MYEF2: variants seen among roughly 807,000 people sequenced by gnomAD.
MYEF2 encodes myelin expression factor 2, also known as myelin gene expression factor 2.
A neutral mutation model predicts 75.2 loss-of-function variants in MYEF2; 37 were observed. That is an observed-to-expected ratio of 0.49 (90% CI 0.38 to 0.65). The LOEUF (loss-of-function observed/expected upper bound fraction) is 0.65. MYEF2 is among the 30% of genes least tolerant of loss of function. The probability of loss-of-function intolerance (pLI) is 0.00; values close to 1 mark genes in which losing one functional copy is unlikely to be tolerated. For missense variants in MYEF2, 634 were observed against 771.4 expected, an observed-to-expected ratio of 0.82 and a Z score of 2.11; for synonymous variants, 195 against 241.6, an observed-to-expected ratio of 0.81 and a Z score of 1.79.
chr15:48,178,097 G>A lies in MYEF2; in HGVS notation c.141C>T (p.Ser47=). ...EAEKQQPQHS[S]SSNGVKMEND... Reference sequence around the variant, plus strand: ...AATACATTTTAACGCCATTGGAGCTGCTGCTGTGCTGCGGCTGCTGCTTCT... The same window carrying A: ...AATACATTTTAACGCCATTGGAGCTACTGCTGTGCTGCGGCTGCTGCTTCT... The change falls in exon 1 of 17, where the codon AGC becomes AGT. Residue 47 remains serine, a synonymous_variant. Coordinates refer to ENST00000324324, the MANE Select transcript of MYEF2 (RefSeq NM_016132.5). The A allele has an allele frequency of 6.3e-7, 1 of 1,599,212 alleles. No individual in the cohort carries two copies. The highest frequency in any genetic ancestry group is 1.1e-5 in the South Asian group (1 of 89,202).
intron 9 of MYEF2, among the ~76,000 whole-genome samples, chr15:48,155,774 ATTT>A (rs34221232): frequency 1.1e-4 from 11 of 102,302 alleles, no homozygotes; most frequent in Non-Finnish European, 1.2e-4. Context: ...CATAATGGTA[ATTT>A]TTTTTTTTTT....
rs2040177646 is a variant in MYEF2, at chr15:48,167,638, T to C, written c.371-237A>G. Among the ~76,000 whole-genome samples the C allele has an allele frequency of 2.0e-5, 3 of 152,114 alleles. No individual in the cohort carries two copies. The South Asian group carries it at 6.2e-4, about 31-fold the overall frequency. On this transcript the variant is annotated intron_variant, in intron 2 of 16. Transcript: ENST00000324324. ...ACAACCATATTAACCTAATTCATAC[T>C]ACAGATCATATTTTGGCCAGCATGA...
Position 48,166,143 on chromosome 15 carries a change from A to G in MYEF2, c.424-15T>C, listed in dbSNP as rs1250825705. 1.3e-6 allele frequency: 2 copies of G among 1,560,180 alleles called. No homozygotes were observed. The highest frequency in any genetic ancestry group is 2.3e-5 in the South Asian group (2 of 86,536). On this transcript the variant is annotated splice_polypyrimidine_tract_variant and intron_variant, in intron 3 of 16. Coordinates refer to ENST00000324324, the MANE Select transcript of MYEF2 (RefSeq NM_016132.5). Reference sequence around the variant, plus strand: ...TACCCACAACCCTATATCCAGGTAGATTTGTCAAAATATGCAAAAGAAAAA... The same window carrying G: ...TACCCACAACCCTATATCCAGGTAGGTTTGTCAAAATATGCAAAAGAAAAA...
chr15:48,137,035 G>A lies in MYEF2; in HGVS notation c.*5873C>T. On this transcript the variant is annotated 3_prime_UTR_variant, in exon 17 of 17. Transcript: ENST00000324324. ...AACTTTAAAATTTCATTTCAATTCA[G>A]CAAGTATTGTGTGCTTTTTATGTAA... 2 of 1,462,208 alleles carry A rather than the reference G, an allele frequency of 1.4e-6. No individual in the cohort carries two copies. The highest frequency in any genetic ancestry group is 1.8e-6 in the Non-Finnish European group (2 of 1,087,804). The allele number at this position is 1,462,208 out of a possible 1,614,324, so 90.6% of individuals were successfully genotyped here. A position where few individuals can be genotyped will look rare whatever the true frequency, so the allele number is the denominator to read the frequency against.
At chr15:48,169,432 C>T (rs996123877) in intron 1 of MYEF2, among the ~76,000 whole-genome samples, 2 of 152,222 alleles carry the variant, frequency 1.3e-5, no homozygotes, top group Non-Finnish European at 2.9e-5. Flanking sequence ...TTTTGATCAA[C>T]ACAGAAAACT....
In MYEF2 at chr15:48,168,790, A is replaced by C. The variant is rs779004541; in HGVS notation, c.211T>G (p.Ser71Ala). 3 of 1,613,626 alleles carry C rather than the reference A, an allele frequency of 1.9e-6. No homozygotes were observed. The highest frequency in any genetic ancestry group is 2.5e-6 in the Non-Finnish European group (3 of 1,179,804). ...CTATTGGCCTTCTTACTTCCTGTAG[A>C]TTTTTCCTTTAAGTCAGATTTCTCT... ...KEEKSDLKEK[S>A]TGSKKANRFH... The change falls in exon 2 of 17, where the codon TCT (serine) becomes GCT (alanine). Residue 71 changes from serine to alanine, a missense_variant. By Grantham distance (99) the Ser-to-Ala change is moderately conservative (BLOSUM62 1). Coordinates refer to ENST00000324324, the MANE Select transcript of MYEF2 (RefSeq NM_016132.5).
intron 1 of MYEF2, among the ~76,000 whole-genome samples, chr15:48,172,214 AC>A (rs1349358813): frequency 6.6e-6 from 1 of 152,152 alleles, no homozygotes; most frequent in Non-Finnish European, 1.5e-5. Flanking sequence ...AACCTGGCCA[AC>A]ATGGTGAAAC....
Position 48,140,528 on chromosome 15 carries a change from CAGA to C in MYEF2, c.*2377_*2379del, listed in dbSNP as rs938952959. 2 of 152,142 alleles carry C rather than the reference CAGA, an allele frequency of 1.3e-5. No individual in the cohort carries two copies. Among genetic ancestry groups the C allele is most frequent in the African/African-American group, 4.8e-5 (2 of 41,530 alleles). The allele number at this position is 152,142 out of a possible 1,614,324, so 9.4% of individuals were successfully genotyped here. Reference sequence around the variant, plus strand: ...AATGTTGACCTGACATCAAATTTAACAGAAGTATTAATAAATTGGGACCATATG... The same window carrying C: ...AATGTTGACCTGACATCAAATTTAACAGTATTAATAAATTGGGACCATATG... On this transcript the variant is annotated 3_prime_UTR_variant, in exon 17 of 17. Coordinates refer to ENST00000324324, the MANE Select transcript of MYEF2 (RefSeq NM_016132.5).
At chr15:48,146,364 TGG>T (rs1026620574) in intron 16 of MYEF2, among the ~76,000 whole-genome samples, 4 of 151,914 alleles carry the variant, frequency 2.6e-5, no homozygotes, top group African/African-American at 9.7e-5. Context: ...CTTACCAGCC[TGG>T]GGTCAAAAAT....
chr15:48,138,839 C>T lies in MYEF2; in HGVS notation c.*4069G>A, dbSNP rs1221964799. 9 of 671,430 alleles carry T rather than the reference C, an allele frequency of 1.3e-5. No homozygotes were observed. Among genetic ancestry groups the T allele is most frequent in the African/African-American group, 3.6e-5 (2 of 54,940 alleles). The allele number at this position is 671,430 out of a possible 1,614,324, so 41.6% of individuals were successfully genotyped here. A position where few individuals can be genotyped will look rare whatever the true frequency, so the allele number is the denominator to read the frequency against. Reference sequence around the variant, plus strand: ...CACCAGCAATATCAGTAATGAGGTACTCAAATGTTTTAAACAGCCTTTTAA... The same window carrying T: ...CACCAGCAATATCAGTAATGAGGTATTCAAATGTTTTAAACAGCCTTTTAA... On this transcript the variant is annotated 3_prime_UTR_variant, in exon 17 of 17. Coordinates refer to ENST00000324324, the MANE Select transcript of MYEF2 (RefSeq NM_016132.5).
At chr15:48,154,791 G>C (rs930438765) in intron 9 of MYEF2, among the ~76,000 whole-genome samples, 1 of 152,062 alleles carries the variant, frequency 6.6e-6, no homozygotes, top group South Asian at 2.1e-4. Context: ...AAAAGCAGAG[G>C]AGTGATGACA....
At chr15:48,178,036 G>A (rs2040619134) in intron 1 of MYEF2, 41 bp downstream of exon 1, 4 of 1,561,116 alleles carry the variant, frequency 2.6e-6, no homozygotes, top group Admixed American at 1.8e-5. Context: ...TAGACTCCCC[G>A]CCCCCCACCT....
chr15:48,143,793 A>G (rs538714617), intron 16 of MYEF2, among the ~76,000 whole-genome samples: 8 of 152,274 alleles, frequency 5.3e-5, no homozygotes, highest in African/African-American at 1.7e-4. Context: ...TGCAGTTATA[A>G]TATCATTGCT....
Position 48,141,839 on chromosome 15 carries a change from A to G in MYEF2, c.*1069T>C, listed in dbSNP as rs1478842436. ...GTTTAATAAATATAATTATTAAATA[A>G]ATGTTAAGACTTTAAATACTAACCC... On this transcript the variant is annotated 3_prime_UTR_variant, in exon 17 of 17. Transcript: ENST00000324324. 5.1e-6 allele frequency: 2 copies of G among 388,822 alleles called. No individual in the cohort carries two copies. Among genetic ancestry groups the G allele is most frequent in the Non-Finnish European group, 9.1e-6 (2 of 220,116 alleles). The allele number at this position is 388,822 out of a possible 1,614,324, so 24.1% of individuals were successfully genotyped here. A position where few individuals can be genotyped will look rare whatever the true frequency, so the allele number is the denominator to read the frequency against.
At chr15:48,176,655 G>A (rs1256764436) in intron 1 of MYEF2, among the ~76,000 whole-genome samples, 2 of 152,182 alleles carry the variant, frequency 1.3e-5, no homozygotes, top group African/African-American at 4.8e-5. Flanking sequence ...TTGTTCAGGA[G>A]AAAAGGTGGC....
At chr15:48,154,793 G>A (rs1459904368) in intron 9 of MYEF2, among the ~76,000 whole-genome samples, 1 of 151,982 alleles carries the variant, frequency 6.6e-6, no homozygotes, top group African/African-American at 2.4e-5. Flanking sequence ...AAGCAGAGGA[G>A]TGATGACACA....
chr15:48,178,163 C>A lies in MYEF2; in HGVS notation c.75G>T (p.Pro25=), dbSNP rs567102663. 7 of 1,554,274 alleles carry A rather than the reference C, an allele frequency of 4.5e-6. No individual in the cohort carries two copies. The South Asian group carries it at 8.2e-5, about 18-fold the overall frequency. The change falls in exon 1 of 17, where the codon CCG becomes CCT. Residue 25 remains proline, a synonymous_variant. Coordinates refer to ENST00000324324, the MANE Select transcript of MYEF2 (RefSeq NM_016132.5). ...GCGGCTCTCGCCGCGGCTCGCCCGG[C>A]GGCTCTGCGGGCTGCAGGTGCGGGC... The part of the protein sequence containing the change: ...GDSPHLQPAE[P]PGEPRREPHP...
At position 48,138,357 on chromosome 15, in the gene MYEF2, T is replaced by C. The variant is rs2038953841; in HGVS notation, c.*4551A>G. On this transcript the variant is annotated 3_prime_UTR_variant, in exon 17 of 17. Coordinates refer to ENST00000324324, the MANE Select transcript of MYEF2 (RefSeq NM_016132.5). ...AATAAAGAAATATACTCAATTTTCA[T>C]AAATTGTACTTTAGATGATATACTA... The C allele has an allele frequency of 6.6e-6, 1 of 152,088 alleles. No homozygotes were observed. 9.4% of individuals were successfully genotyped at this position (152,088 alleles called of 1,614,324 possible).
chr15:48,155,047 A>T (rs1319124642), intron 9 of MYEF2, among the ~76,000 whole-genome samples: 1 of 152,130 alleles, frequency 6.6e-6, no homozygotes, highest in Admixed American at 6.6e-5. Context: ...ACAAAAAAAT[A>T]AGACACAATA....
Sources: gnomAD v4.1 joint callset for allele counts (sites outside exome capture counted in the v4.1 genomes callset) on GRCh38, gnomAD v4.1.1 for gene constraint, MANE v1.5 for transcripts, NCBI Gene and HGNC (gene_info 2026-07-23, HGNC 2026-07-21) for gene names.